TMEM135: variants seen among roughly 807,000 people sequenced by gnomAD.
TMEM135 encodes peroxisomal membrane protein 52.
Under a neutral mutation model 60.3 loss-of-function variants are expected in TMEM135, and 30 were observed. The ratio of observed to expected loss-of-function variants is 0.50; its 90% CI spans 0.37 to 0.68. The LOEUF (loss-of-function observed/expected upper bound fraction) is 0.68, where lower values mean the gene tolerates loss of function less well. Ranked by LOEUF, TMEM135 falls within the 30% of genes least tolerant of loss-of-function variation. The pLI is 0.00. For synonymous variants in TMEM135, 190 were observed against 186.7 expected (o/e 1.02, Z -0.14); for missense variants, 468 against 548.8 (o/e 0.85, Z 1.47).
intron 10 of TMEM135, among the ~76,000 whole-genome samples, chr11:87,310,231 A>G: frequency 6.6e-6 from 1 of 152,170 alleles, no homozygotes; most frequent in East Asian, 1.9e-4. Flanking sequence ...ATGTTCCTAT[A>G]AAAGTGTCCA....
At chr11:87,226,387 T>C (rs917196729) in intron 5 of TMEM135, among the ~76,000 whole-genome samples, 2 of 152,214 alleles carry the variant, frequency 1.3e-5, no homozygotes, top group East Asian at 1.9e-4. Context: ...TTTTCTTTTA[T>C]ATTTTAAATA....
intron 10 of TMEM135, among the ~76,000 whole-genome samples, chr11:87,311,111 A>C (rs1342668636): frequency 6.8e-6 from 1 of 146,322 alleles, no homozygotes; most frequent in Non-Finnish European, 1.5e-5. Context: ...ATATGTCTAT[A>C]TATATATATA....
At chr11:87,073,181 C>T (rs144899187) in intron 3 of TMEM135, among the ~76,000 whole-genome samples, 2,747 of 152,172 alleles carry the variant, frequency 0.018, 95 homozygotes, top group African/African-American at 0.063. Context: ...ACTACAGGCA[C>T]GTGCCACCAC....
At chr11:87,093,365 A>ACCCCTC (rs1375512306) in intron 4 of TMEM135, among the ~76,000 whole-genome samples, 2 of 151,948 alleles carry the variant, frequency 1.3e-5, no homozygotes, top group East Asian at 3.9e-4. Flanking sequence ...GGCATGTACC[A>ACCCCTC]CAATGTCCGG....
chr11:87,264,081 A>G (rs1240227671), intron 6 of TMEM135, among the ~76,000 whole-genome samples: 1 of 152,024 alleles, frequency 6.6e-6, no homozygotes, highest in Non-Finnish European at 1.5e-5. Flanking sequence ...GAAATATCAT[A>G]CCATGTCATG....
intron 4 of TMEM135, among the ~76,000 whole-genome samples, chr11:87,123,896 G>A (rs181049545): frequency 7.9e-4 from 121 of 152,238 alleles, no homozygotes; most frequent in Non-Finnish European, 1.2e-3. Context: ...CATGAAACAA[G>A]CTGAAAACAT....
At chr11:87,223,128 T>A (rs1409371555) in intron 5 of TMEM135, among the ~76,000 whole-genome samples, 1 of 150,522 alleles carries the variant, frequency 6.6e-6, no homozygotes. Flanking sequence ...AATCGAGAAG[T>A]CTATATTCTG....
At chr11:87,183,367 T>G (rs1484385241) in intron 5 of TMEM135, among the ~76,000 whole-genome samples, 1 of 151,452 alleles carries the variant, frequency 6.6e-6, no homozygotes, top group Non-Finnish European at 1.5e-5. Flanking sequence ...GGGCTCGAAC[T>G]CCTGACCTTG....
At chr11:87,091,222 T>TAA in intron 3 of TMEM135, 140 bp from the exon 4 acceptor site, 1 of 681,020 alleles carries the variant, frequency 1.5e-6, no homozygotes, top group Non-Finnish European at 2.4e-6. Flanking sequence ...TAGTTCGGCA[T>TAA]AATTTACCTG....
intron 5 of TMEM135, among the ~76,000 whole-genome samples, chr11:87,232,304 G>A (rs577263933): frequency 2.6e-5 from 4 of 152,148 alleles, no homozygotes; most frequent in African/African-American, 9.6e-5. Context: ...TCTGTGAGTT[G>A]TGGGTAACCT....
At chr11:87,053,739 T>G (rs1949864705) in intron 1 of TMEM135, among the ~76,000 whole-genome samples, 1 of 152,214 alleles carries the variant, frequency 6.6e-6, no homozygotes, top group South Asian at 2.1e-4. Context: ...TCAGATTTAT[T>G]ATTCTTCCAT....
chr11:87,088,998 T>A (rs1857152170), intron 3 of TMEM135, among the ~76,000 whole-genome samples: 1 of 152,206 alleles, frequency 6.6e-6, no homozygotes, highest in Non-Finnish European at 1.5e-5. Context: ...CTAAAAATGT[T>A]ATATAAAATT....
At chr11:87,047,357 G>T (rs563484706) in intron 1 of TMEM135, among the ~76,000 whole-genome samples, 1 of 151,976 alleles carries the variant, frequency 6.6e-6, no homozygotes, top group Non-Finnish European at 1.5e-5. Context: ...AGCTCCCAGC[G>T]TGAGCGACGC....
In TMEM135 at chr11:87,231,595, G is replaced by A. The variant is rs575007426; in HGVS notation, c.463-5043G>A. On this transcript the variant is annotated intron_variant, in intron 5 of 14. Coordinates refer to ENST00000305494, the MANE Select transcript of TMEM135 (RefSeq NM_022918.4). ...CATCCATTAAGGTAAAATTTAGAAT[G>A]GCTGACAGCCAGTAAAAAATTACCA... 1.2e-3 allele frequency among the ~76,000 whole-genome samples: 183 copies of A among 152,214 alleles called. 2 individuals carry two copies. The Middle Eastern group carries it at 0.014, about 11-fold the overall frequency.
chr11:87,188,432 T>C lies in TMEM135; in HGVS notation c.462+31026T>C, dbSNP rs534623104. Among the ~76,000 whole-genome samples the C allele has an allele frequency of 7.9e-5, 12 of 152,260 alleles. No homozygotes were observed. In the East Asian group the frequency reaches 2.1e-3, roughly 27 times the overall value. On this transcript the variant is annotated intron_variant, in intron 5 of 14. Coordinates refer to ENST00000305494, the MANE Select transcript of TMEM135 (RefSeq NM_022918.4). ...AATAATAGAAGCGGCCTGGGCGTGG[T>C]AGCTCATGCCTGTAATCCCAGCACT...
At chr11:87,129,184 T>G (rs12576009) in intron 4 of TMEM135, among the ~76,000 whole-genome samples, 2 of 150,000 alleles carry the variant, frequency 1.3e-5, no homozygotes, top group African/African-American at 4.9e-5. Context: ...CAGAATTTGC[T>G]TTTTTCTATA....
At chr11:87,123,772 G>A (rs1937645111) in intron 4 of TMEM135, among the ~76,000 whole-genome samples, 1 of 152,096 alleles carries the variant, frequency 6.6e-6, no homozygotes, top group South Asian at 2.1e-4. Flanking sequence ...AACAAGTTGA[G>A]AATTAACATT....
chr11:87,264,307 C>CTTTTTTT (rs145849024), intron 6 of TMEM135, among the ~76,000 whole-genome samples: 2 of 146,610 alleles, frequency 1.4e-5, no homozygotes, highest in Non-Finnish European at 1.5e-5. Context: ...TGTTCTTTTT[C>CTTTTTTT]TTTTCTTTTT....
Position 87,269,445 on chromosome 11 carries a change from T to A in TMEM135, c.510-26337T>A, listed in dbSNP as rs1042529627. On this transcript the variant is annotated intron_variant, in intron 6 of 14. Transcript: ENST00000305494. ...GTGCCATGCTGGTGTGCTGCACCCA[T>A]TAACTTGTCATTTAGCATTAGGTAT... 2.0e-4 allele frequency among the ~76,000 whole-genome samples: 31 copies of A among 151,978 alleles called. No homozygotes were observed. In the East Asian group the frequency reaches 3.5e-3, roughly 17 times the overall value.
Sources: allele counts gnomAD v4.1 joint callset (sites outside exome capture counted in the v4.1 genomes callset), GRCh38; gene constraint gnomAD v4.1.1; transcripts MANE v1.5; gene names NCBI Gene and HGNC (gene_info 2026-07-23, HGNC 2026-07-21).